GABRB1: variants seen among roughly 807,000 people sequenced by gnomAD.
GABRB1 encodes gamma-aminobutyric acid receptor subunit beta-1.
A neutral mutation model predicts 51.6 loss-of-function variants in GABRB1; 17 were observed. The observed-to-expected ratio is 0.33, with a 90% CI of 0.23 to 0.49. The LOEUF is 0.49. Among genes scored for constraint, GABRB1 ranks in the 20% least tolerant of loss-of-function variants. The probability of loss-of-function intolerance (pLI) is 0.99; values close to 1 mark genes in which losing one functional copy is unlikely to be tolerated. For missense variants in GABRB1, 410 were observed against 600.6 expected (o/e 0.68, Z 3.32); for synonymous variants, 247 against 218.9 (o/e 1.13, Z -1.14).
intron 3 of GABRB1, among the ~76,000 whole-genome samples, chr4:47,073,877 C>T (rs529639049): frequency 2.4e-4 from 37 of 152,168 alleles, no homozygotes; most frequent in Non-Finnish European, 4.1e-4. Context: ...GGTGAGCAAG[C>T]AGCCAAAATA....
At chr4:47,080,791 G>GT (rs1322420386) in intron 3 of GABRB1, among the ~76,000 whole-genome samples, 2 of 152,146 alleles carry the variant, frequency 1.3e-5, no homozygotes, top group Non-Finnish European at 1.5e-5. Flanking sequence ...AGGTCTGCCA[G>GT]TTCTGTGGGG....
At chr4:47,227,307 T>C (rs921008594) in intron 4 of GABRB1, among the ~76,000 whole-genome samples, 1 of 152,174 alleles carries the variant, frequency 6.6e-6, no homozygotes, top group African/African-American at 2.4e-5. Flanking sequence ...CTGGTAAGGA[T>C]ACCAATAACA....
chr4:47,031,266 C>T, upstream of GABRB1: 1 of 198,568 alleles, frequency 5.0e-6, no homozygotes, highest in Non-Finnish European at 1.0e-5. Flanking sequence ...ACGAAAGATG[C>T]CAATCACAGG....
At chr4:47,221,734 A>G (rs1029446509) in intron 4 of GABRB1, among the ~76,000 whole-genome samples, 4 of 152,042 alleles carry the variant, frequency 2.6e-5, no homozygotes, top group Non-Finnish European at 5.9e-5. Flanking sequence ...GAATATCTCC[A>G]TCTCTCTTCT....
At chr4:47,041,668 C>T (rs1460333353) in intron 3 of GABRB1, among the ~76,000 whole-genome samples, 1 of 152,016 alleles carries the variant, frequency 6.6e-6, no homozygotes, top group Non-Finnish European at 1.5e-5. Flanking sequence ...CTACTCTAGC[C>T]CTCCATGACT....
chr4:47,341,986 T>A lies in GABRB1; in HGVS notation c.544+21777T>A, dbSNP rs150541511. On this transcript the variant is annotated intron_variant, in intron 5 of 8. Transcript: ENST00000295454. ...TTATTTAGGTCAACTCCCTTATATA[T>A]AGATGAAGAGAGTGAAATCCTGTGA... Among the ~76,000 whole-genome samples, 1,159 of 152,162 alleles carry A rather than the reference T, an allele frequency of 7.6e-3. 15 individuals carry two copies. Among genetic ancestry groups the A allele is most frequent in the African/African-American group, 0.027 (1,109 of 41,532 alleles).
intron 5 of GABRB1, among the ~76,000 whole-genome samples, chr4:47,332,070 T>C (rs961401606): frequency 2.0e-5 from 3 of 152,248 alleles, no homozygotes; most frequent in Non-Finnish European, 2.9e-5. Context: ...CACATTTTAA[T>C]TGGTCCTTCT....
intron 4 of GABRB1, among the ~76,000 whole-genome samples, chr4:47,273,490 G>A (rs1722952763): frequency 6.6e-6 from 1 of 152,056 alleles, no homozygotes; most frequent in African/African-American, 2.4e-5. Flanking sequence ...AAGTCACAAG[G>A]CGGTGCTTCT....
intron 4 of GABRB1, among the ~76,000 whole-genome samples, chr4:47,243,797 G>T (rs1387925075): frequency 1.3e-5 from 2 of 152,136 alleles, no homozygotes; most frequent in Non-Finnish European, 2.9e-5. Flanking sequence ...AGACAATGGG[G>T]TTTTCTAAAT....
At chr4:47,334,664 A>AT (rs781652028) in intron 5 of GABRB1, among the ~76,000 whole-genome samples, 1 of 152,166 alleles carries the variant, frequency 6.6e-6, no homozygotes, top group Non-Finnish European at 1.5e-5. Flanking sequence ...GAAACTAGAG[A>AT]TTTTTTAGTA....
intron 4 of GABRB1, among the ~76,000 whole-genome samples, chr4:47,234,531 A>G (rs1721255236): frequency 6.6e-6 from 1 of 152,038 alleles, no homozygotes; most frequent in Non-Finnish European, 1.5e-5. Context: ...TCCCCAAGTT[A>G]AAATAAATGC....
At chr4:47,056,100 G>C (rs80066420) in intron 3 of GABRB1, among the ~76,000 whole-genome samples, 1 of 152,112 alleles carries the variant, frequency 6.6e-6, no homozygotes, top group African/African-American at 2.4e-5. Flanking sequence ...TTCTATTAAT[G>C]ACTCAGGCTG....
intron 4 of GABRB1, among the ~76,000 whole-genome samples, chr4:47,164,718 A>C (rs1362802277): frequency 6.6e-6 from 1 of 152,140 alleles, no homozygotes; most frequent in Non-Finnish European, 1.5e-5. Flanking sequence ...ACATGAAGCC[A>C]GAAGAATAGA....
At chr4:47,253,105 AC>A (rs1240125572) in intron 4 of GABRB1, among the ~76,000 whole-genome samples, 1 of 152,174 alleles carries the variant, frequency 6.6e-6, no homozygotes, top group Non-Finnish European at 1.5e-5. Flanking sequence ...CCAATGTCAC[AC>A]CTCTGGGAAG....
chr4:47,175,973 T>C (rs1718678093), intron 4 of GABRB1, among the ~76,000 whole-genome samples: 1 of 152,168 alleles, frequency 6.6e-6, no homozygotes, highest in Non-Finnish European at 1.5e-5. Flanking sequence ...ATGGATAACA[T>C]TTTTAGTCAA....
chr4:47,423,747 A>T (rs1159235831), intron 8 of GABRB1, among the ~76,000 whole-genome samples: 1 of 152,162 alleles, frequency 6.6e-6, no homozygotes, highest in African/African-American at 2.4e-5. Context: ...TTTAATCCCA[A>T]ATTTGGTACT....
intron 4 of GABRB1, among the ~76,000 whole-genome samples, chr4:47,236,326 G>GA (rs1721332547): frequency 6.6e-6 from 1 of 151,226 alleles, no homozygotes; most frequent in African/African-American, 2.4e-5. Context: ...TTACAGTCTT[G>GA]TAAAAAAAAA....
intron 3 of GABRB1, among the ~76,000 whole-genome samples, chr4:47,062,992 T>C (rs551679431): frequency 6.6e-6 from 1 of 152,290 alleles, no homozygotes; most frequent in African/African-American, 2.4e-5. Context: ...ATGGAAGCCA[T>C]AGGGATGTTT....
At chr4:47,394,387 G>T (rs571826439) in intron 5 of GABRB1, among the ~76,000 whole-genome samples, 1 of 152,290 alleles carries the variant, frequency 6.6e-6, no homozygotes, top group South Asian at 2.1e-4. Context: ...AATACCCATT[G>T]TAATTATTCT....
Sources: gnomAD v4.1 joint callset for allele counts (sites outside exome capture counted in the v4.1 genomes callset) on GRCh38, gnomAD v4.1.1 for gene constraint, MANE v1.5 for transcripts, NCBI Gene and HGNC (gene_info 2026-07-23, HGNC 2026-07-21) for gene names.